INPP4B: variants seen among roughly 807,000 people sequenced by gnomAD.
The protein encoded by INPP4B is inositol polyphosphate 4-phosphatase type II.
INPP4B carries 55 observed loss-of-function variants against 122.5 expected under a neutral mutation model. The ratio of observed to expected loss-of-function variants is 0.45; its 90% CI spans 0.36 to 0.56. The LOEUF is 0.56. INPP4B is among the 20% of genes least tolerant of loss of function. The probability of loss-of-function intolerance (pLI) is 0.00; values close to 1 mark genes in which losing one functional copy is unlikely to be tolerated. For synonymous variants in INPP4B, 403 were observed against 388.7 expected (o/e 1.04, Z -0.43); for missense variants, 1,000 against 1,097.7 (o/e 0.91, Z 1.26).
At chr4:142,097,998 T>C (rs1782729853) in intron 23 of INPP4B, among the ~76,000 whole-genome samples, 2 of 152,128 alleles carry the variant, frequency 1.3e-5, no homozygotes, top group African/African-American at 4.8e-5. Context: ...TACATGATGA[T>C]AGAGGCTATA....
intron 2 of INPP4B, among the ~76,000 whole-genome samples, chr4:142,606,684 A>T (rs2150319937): frequency 6.6e-6 from 1 of 152,130 alleles, no homozygotes; most frequent in East Asian, 1.9e-4. Flanking sequence ...CATATGCAAC[A>T]CTCTGGCCTT....
intron 16 of INPP4B, among the ~76,000 whole-genome samples, chr4:142,161,628 A>G (rs1471039196): frequency 6.6e-6 from 1 of 151,932 alleles, no homozygotes; most frequent in Admixed American, 6.6e-5. Context: ...AACAGTTCCA[A>G]GCCTAACTAG....
At chr4:142,740,007 G>T (rs1767672565) in intron 1 of INPP4B, among the ~76,000 whole-genome samples, 1 of 151,994 alleles carries the variant, frequency 6.6e-6, no homozygotes, top group Non-Finnish European at 1.5e-5. Flanking sequence ...TAGTTTATGT[G>T]CATAACGCAC....
intron 2 of INPP4B, among the ~76,000 whole-genome samples, chr4:142,522,903 G>A (rs575577464): frequency 6.6e-6 from 1 of 152,230 alleles, no homozygotes; most frequent in East Asian, 1.9e-4. Flanking sequence ...TAACTTGCAT[G>A]TAAAGGGTGT....
chr4:142,220,341 T>C lies in INPP4B; in HGVS notation c.837-11315A>G, dbSNP rs148077629. ...TTGAAATATTTTCTTTGAATATGCA[T>C]TGGACAGACAGTCTTGGCTATAGCA... On this transcript the variant is annotated intron_variant, in intron 12 of 25. Coordinates refer to ENST00000262992, the MANE Select transcript of INPP4B (RefSeq NM_001101669.3). 4.9e-4 allele frequency among the ~76,000 whole-genome samples: 74 copies of C among 152,318 alleles called. 1 individual carries two copies. The highest frequency in any genetic ancestry group is 6.8e-3 in the Middle Eastern group (2 of 294).
intron 2 of INPP4B, among the ~76,000 whole-genome samples, chr4:142,635,113 A>C: frequency 6.6e-6 from 1 of 152,108 alleles, no homozygotes; most frequent in East Asian, 1.9e-4. Flanking sequence ...AAAAAGCTCA[A>C]TATTACTGAT....
In INPP4B at chr4:142,812,139, C is replaced by A. The variant is rs74357288; in HGVS notation, c.-254+34070G>T. On this transcript the variant is annotated intron_variant, in intron 1 of 25. Coordinates refer to ENST00000262992, the MANE Select transcript of INPP4B (RefSeq NM_001101669.3). ...TCTTAATAAAAATTAAAGCCTCTTA[C>A]AGTTATTGCATACTTCTTTGCTGAA... is the stretch of plus-strand genomic sequence containing the variant. 8.3e-3 allele frequency among the ~76,000 whole-genome samples: 1,269 copies of A among 152,280 alleles called. 9 individuals are homozygous for A. The highest frequency in any genetic ancestry group is 0.013 in the Non-Finnish European group (885 of 68,018).
At chr4:142,374,094 G>A (rs1790949046) in intron 7 of INPP4B, among the ~76,000 whole-genome samples, 1 of 151,798 alleles carries the variant, frequency 6.6e-6, no homozygotes, top group African/African-American at 2.4e-5. Flanking sequence ...GTTTGAACAC[G>A]TTTGTAGATA....
At chr4:142,309,318 A>C (rs2151248330) in intron 8 of INPP4B, among the ~76,000 whole-genome samples, 1 of 152,166 alleles carries the variant, frequency 6.6e-6, no homozygotes, top group Admixed American at 6.5e-5. Flanking sequence ...TAAATATGAG[A>C]TTTGGGGGAA....
rs4054980 is a variant in INPP4B, at chr4:142,218,036, T to TTGTGTG, written c.837-9016_837-9011dup. Among the ~76,000 whole-genome samples, 988 of 149,106 alleles carry TTGTGTG rather than the reference T, an allele frequency of 6.6e-3. 5 individuals carry two copies. Among genetic ancestry groups the TTGTGTG allele is most frequent in the East Asian group, 0.018 (90 of 5,038 alleles). On this transcript the variant is annotated intron_variant, in intron 12 of 25. Transcript: ENST00000262992. ...ATGTAAACCAATTCTTTCTAATAAA[T>TTGTGTG]TGTGTGTGTGTGTGTGTGTGTGTGT...
chr4:142,353,637 T>C (rs916141999), intron 7 of INPP4B, among the ~76,000 whole-genome samples: 1 of 152,066 alleles, frequency 6.6e-6, no homozygotes, highest in African/African-American at 2.4e-5. Context: ...CATCTAGGAT[T>C]ATCTGATTGC....
intron 1 of INPP4B, among the ~76,000 whole-genome samples, chr4:142,816,558 TA>T (rs530357263): frequency 4.6e-4 from 70 of 151,666 alleles, no homozygotes; most frequent in African/African-American, 1.6e-3. Context: ...TTTCTCATCT[TA>T]AAAAAAACAA....
intron 10 of INPP4B, among the ~76,000 whole-genome samples, chr4:142,266,887 C>G (rs1042621044): frequency 6.6e-6 from 1 of 151,816 alleles, no homozygotes; most frequent in Non-Finnish European, 1.5e-5. Context: ...GATACACAAT[C>G]AACTCACAAA....
At chr4:142,157,927 C>G (rs536929258) in intron 17 of INPP4B, among the ~76,000 whole-genome samples, 46 of 151,986 alleles carry the variant, frequency 3.0e-4, no homozygotes, top group South Asian at 6.2e-4. Context: ...AGCCATCCAG[C>G]CCCACCCACC....
chr4:142,655,047 C>T (rs888349943), intron 2 of INPP4B, among the ~76,000 whole-genome samples: 44 of 152,164 alleles, frequency 2.9e-4, no homozygotes, highest in African/African-American at 9.9e-4. Flanking sequence ...CTCACAGCAA[C>T]AGTAAGATAA....
chr4:142,031,387 C>T (rs1739959993), intron 25 of INPP4B, among the ~76,000 whole-genome samples: 1 of 152,144 alleles, frequency 6.6e-6, no homozygotes, highest in Admixed American at 6.5e-5. Context: ...AAGTCCTATA[C>T]AGAAATTTTT....
At chr4:142,139,162 G>A (rs910133249) in intron 18 of INPP4B, among the ~76,000 whole-genome samples, 3 of 152,260 alleles carry the variant, frequency 2.0e-5, no homozygotes, top group East Asian at 3.9e-4. Context: ...AACAGGGTAA[G>A]TACTCAACAA....
In INPP4B at chr4:142,535,608, C is replaced by T. The variant is rs74953832; in HGVS notation, c.-190-72882G>A. Among the ~76,000 whole-genome samples the T allele has an allele frequency of 2.1e-3, 318 of 152,234 alleles. 3 individuals are homozygous for T. Among genetic ancestry groups the T allele is most frequent in the African/African-American group, 7.3e-3 (303 of 41,554 alleles). On this transcript the variant is annotated intron_variant, in intron 2 of 25. Transcript: ENST00000262992. Reference sequence around the variant, plus strand: ...AAATGGCTTATAATATCACTTACTTCAAGGGATTGTGAGGATGGGATGTTC... The same window carrying T: ...AAATGGCTTATAATATCACTTACTTTAAGGGATTGTGAGGATGGGATGTTC...
At chr4:142,578,030 G>C (rs1347869930) in intron 2 of INPP4B, among the ~76,000 whole-genome samples, 4 of 151,926 alleles carry the variant, frequency 2.6e-5, no homozygotes, top group Non-Finnish European at 4.4e-5. Flanking sequence ...AAAGTCACAG[G>C]TTCTACTCAC....
Sources: gnomAD v4.1 joint callset for allele counts (sites outside exome capture counted in the v4.1 genomes callset) on GRCh38, gnomAD v4.1.1 for gene constraint, MANE v1.5 for transcripts, NCBI Gene and HGNC (gene_info 2026-07-23, HGNC 2026-07-21) for gene names.